The following NSMCE1 variants were observed in gnomAD, a reference collection of about 807,000 sequenced individuals.
NSMCE1 encodes the protein NSE1 component of SMC5/6 complex.
In NSMCE1, 18 loss-of-function variants were observed where a neutral mutation model predicts 29.6. The ratio of observed to expected loss-of-function variants is 0.61; its 90% CI spans 0.42 to 0.90. The LOEUF (loss-of-function observed/expected upper bound fraction) is 0.90. Among genes scored for constraint, NSMCE1 ranks in the 40% least tolerant of loss-of-function variants. NSMCE1 has a pLI of 0.00. For missense variants in NSMCE1, 314 were observed against 343.6 expected (o/e 0.91, Z 0.68); for synonymous variants, 124 against 133.4 (o/e 0.93, Z 0.49).
chr16:27,255,496 G>A (rs4787417), intron 2 of NSMCE1, among the ~76,000 whole-genome samples: 9,537 of 152,126 alleles, frequency 0.063, 741 homozygotes, highest in African/African-American at 0.19. Context: ...GGATTCCCAG[G>A]GTAGGTTATC....
At chr16:27,233,573 G>A (rs935813311) in intron 4 of NSMCE1, among the ~76,000 whole-genome samples, 7 of 152,204 alleles carry the variant, frequency 4.6e-5, no homozygotes, top group South Asian at 4.1e-4. Flanking sequence ...TGATTCCACC[G>A]CCTGGTTCTC....
chr16:27,257,323 A>G, intron 2 of NSMCE1, 112 bp downstream of exon 2: 1 of 825,602 alleles, frequency 1.2e-6, no homozygotes. Flanking sequence ...AAGAGGCTTG[A>G]ATGCTCAGCT....
intron 2 of NSMCE1, among the ~76,000 whole-genome samples, chr16:27,255,978 G>A (rs1334301195): frequency 6.6e-6 from 1 of 152,204 alleles, no homozygotes. Context: ...TTGGGGACAG[G>A]AGGGACACCC....
chr16:27,245,123 G>A (rs1388581280), intron 2 of NSMCE1, among the ~76,000 whole-genome samples: 1 of 152,230 alleles, frequency 6.6e-6, no homozygotes, highest in Admixed American at 6.5e-5. Context: ...AAGTGAACGT[G>A]TGCCCACAAG....
intron 2 of NSMCE1, among the ~76,000 whole-genome samples, chr16:27,237,558 A>G (rs1265719206): frequency 6.6e-6 from 1 of 152,194 alleles, no homozygotes. Context: ...AGGCCCAGAC[A>G]TCAAAAAGCC....
intron 2 of NSMCE1, 129 bp downstream of exon 2, chr16:27,257,306 G>A (rs1176238601): frequency 1.5e-5 from 10 of 683,170 alleles, no homozygotes; most frequent in Non-Finnish European, 2.3e-5. Flanking sequence ...GCCCGTGTAA[G>A]ATTGTGAAGA....
chr16:27,235,394 G>A (rs747219774), intron 2 of NSMCE1, 95 bp from the exon 3 acceptor site: 22 of 1,422,008 alleles, frequency 1.5e-5, no homozygotes, highest in Non-Finnish European at 2.1e-5. Flanking sequence ...CTCAACGCAG[G>A]GGACAGCAAC....
chr16:27,226,181 CA>C (rs372339891), intron 6 of NSMCE1: 2,305 of 215,318 alleles, frequency 0.011, 63 homozygotes, highest in African/African-American at 0.048. Context: ...CAAAAGCTTT[CA>C]AAAAAAAAGT....
intron 2 of NSMCE1, among the ~76,000 whole-genome samples, chr16:27,254,459 T>A (rs1285526272): frequency 1.3e-5 from 2 of 152,230 alleles, no homozygotes; most frequent in African/African-American, 4.8e-5. Context: ...CAAGGCATCA[T>A]GTGGCTCCTT....
At chr16:27,227,686 C>T (rs371004832) in intron 5 of NSMCE1, among the ~76,000 whole-genome samples, 3 of 152,180 alleles carry the variant, frequency 2.0e-5, no homozygotes, top group East Asian at 1.9e-4. Flanking sequence ...ACGTCACTGA[C>T]GCCTGCAAGT....
chr16:27,228,966 C>T (rs924829099), intron 5 of NSMCE1, among the ~76,000 whole-genome samples: 2 of 152,070 alleles, frequency 1.3e-5, no homozygotes, highest in Non-Finnish European at 2.9e-5. Context: ...CTGCTGCTCT[C>T]TGAGCCCACT....
Position 27,225,817 on chromosome 16 carries a change from C to G in NSMCE1, c.630G>C (p.Arg210Ser), listed in dbSNP as rs1265797977. ...QGQSCETCGI[R>S]MHLPCVAKYF... ...ACTTGGCCACGCAGGGTAAGTGCAT[C>G]CTGATCCCACAGGTTTCGCAGCTTT... Residue 210 changes from arginine to serine, a missense_variant, in exon 7 of 8, where the codon AGG (arginine) becomes AGC (serine). Coordinates refer to ENST00000361439, the MANE Select transcript of NSMCE1 (RefSeq NM_145080.4). 1 of 1,614,184 alleles carries G rather than the reference C, an allele frequency of 6.2e-7. No homozygotes were observed. Among genetic ancestry groups the G allele is most frequent in the African/African-American group, 1.3e-5 (1 of 75,060 alleles).
chr16:27,246,252 T>C (rs1275550116), intron 2 of NSMCE1, among the ~76,000 whole-genome samples: 3 of 152,226 alleles, frequency 2.0e-5, no homozygotes, highest in African/African-American at 7.2e-5. Context: ...CTCACTGAAG[T>C]ATTTCTAAAC....
intron 2 of NSMCE1, among the ~76,000 whole-genome samples, chr16:27,239,744 A>G (rs928911395): frequency 6.6e-6 from 1 of 152,228 alleles, no homozygotes; most frequent in Non-Finnish European, 1.5e-5. Context: ...TGTCTCCTCT[A>G]GAGGGAAAGA....
At chr16:27,253,449 C>G (rs887514574) in intron 2 of NSMCE1, among the ~76,000 whole-genome samples, 1 of 152,208 alleles carries the variant, frequency 6.6e-6, no homozygotes, top group Non-Finnish European at 1.5e-5. Context: ...CCTCATTGCC[C>G]ATCTCTCGAA....
At chr16:27,246,096 G>A (rs183655096) in intron 2 of NSMCE1, among the ~76,000 whole-genome samples, 5 of 152,280 alleles carry the variant, frequency 3.3e-5, no homozygotes, top group East Asian at 1.9e-4. Context: ...AAACAAACCC[G>A]GGATGAAGGC....
Position 27,228,389 on chromosome 16 carries a change from C to T in NSMCE1, c.484-1553G>A, listed in dbSNP as rs117657877. Reference sequence around the variant, plus strand: ...TGCTGTGGGCAATGGGAGGATGTGACCAGCCCCCAGGCTGTCCTCGGTCCT... The same window carrying T: ...TGCTGTGGGCAATGGGAGGATGTGATCAGCCCCCAGGCTGTCCTCGGTCCT... On this transcript the variant is annotated intron_variant, in intron 5 of 7. Transcript: ENST00000361439. 3.6e-3 allele frequency among the ~76,000 whole-genome samples: 545 copies of T among 152,182 alleles called. 1 individual carries two copies. Among genetic ancestry groups the T allele is most frequent in the Non-Finnish European group, 5.7e-3 (388 of 67,976 alleles).
chr16:27,258,896 G>A (rs377418919), intron 1 of NSMCE1, among the ~76,000 whole-genome samples: 33 of 151,956 alleles, frequency 2.2e-4, no homozygotes, highest in East Asian at 7.7e-4. Context: ...AACTACAGGC[G>A]CCCACCACCG....
At chr16:27,249,381 T>C (rs2083997419) in intron 2 of NSMCE1, among the ~76,000 whole-genome samples, 1 of 152,242 alleles carries the variant, frequency 6.6e-6, no homozygotes, top group African/African-American at 2.4e-5. Context: ...TTCTCCTATG[T>C]TTTCTTCTGG....
Sources: allele counts gnomAD v4.1 joint callset (sites outside exome capture counted in the v4.1 genomes callset), GRCh38; gene constraint gnomAD v4.1.1; transcripts MANE v1.5; gene names NCBI Gene and HGNC (gene_info 2026-07-23, HGNC 2026-07-21).